MYO9B: variants seen among roughly 807,000 people sequenced by gnomAD.
MYO9B encodes unconventional myosin-IXb.
In MYO9B, 71 loss-of-function variants were observed where a neutral mutation model predicts 229.5. The ratio of observed to expected loss-of-function variants is 0.31; its 90% confidence interval spans 0.26 to 0.38. The LOEUF is 0.38. MYO9B is among the 10% of genes least tolerant of loss of function. MYO9B has a pLI of 1.00. For synonymous variants in MYO9B, 1,185 were observed against 1,235.8 expected (o/e 0.96, Z 0.86); for missense variants, 2,255 against 2,920.5 (o/e 0.77, Z 5.25).
At chr19:17,147,941 C>T (rs374447055) in intron 3 of MYO9B, among the ~76,000 whole-genome samples, 20 of 148,800 alleles carry the variant, frequency 1.3e-4, no homozygotes, top group African/African-American at 4.2e-4. Flanking sequence ...CTTGGTCTCC[C>T]GAAGTGTTGG....
chr19:17,211,661 A>G lies in MYO9B; in HGVS notation c.5945A>G (p.Tyr1982Cys). The stretch of plus-strand genomic sequence containing the variant: ...TTTTCCTCCAGGGAGGACATCACCT[A>G]CCGGCTGCCGGAGCTGGACCCAAGG... ...SIKEEKEDIT[Y>C]RLPELDPRGS... is the part of the protein sequence containing the mutation. The change falls in exon 39 of 40, where the codon TAC becomes TGC. Residue 1982 changes from tyrosine to cysteine, a missense_variant. Coordinates refer to ENST00000682292, the MANE Select transcript of MYO9B (RefSeq NM_004145.4). 3 of 1,605,480 alleles carry G rather than the reference A, an allele frequency of 1.9e-6. No homozygotes were observed. Among genetic ancestry groups the G allele is most frequent in the South Asian group, 1.1e-5 (1 of 90,598 alleles).
intron 2 of MYO9B, among the ~76,000 whole-genome samples, chr19:17,137,121 G>A (rs550782273): frequency 1.9e-4 from 29 of 151,994 alleles, no homozygotes; most frequent in East Asian, 1.9e-4. Context: ...CCAGCTACTC[G>A]GGAGGCTGAG....
At chr19:17,201,630 A>G (rs2073107151) in intron 26 of MYO9B, among the ~76,000 whole-genome samples, 1 of 152,100 alleles carries the variant, frequency 6.6e-6, no homozygotes. Context: ...TGGGGTTATC[A>G]CAGCCTCAGG....
chr19:17,135,567 C>G (rs1351493027), intron 2 of MYO9B, among the ~76,000 whole-genome samples: 1 of 152,160 alleles, frequency 6.6e-6, no homozygotes, highest in African/African-American at 2.4e-5. Flanking sequence ...CCGCACTTCC[C>G]CCTCGGATGT....
chr19:17,136,282 A>G (rs28611356), intron 2 of MYO9B, among the ~76,000 whole-genome samples: 2,166 of 152,198 alleles, frequency 0.014, 63 homozygotes, highest in African/African-American at 0.048. Flanking sequence ...TGAGCTCCAG[A>G]CTATGGCCCT....
intron 2 of MYO9B, among the ~76,000 whole-genome samples, chr19:17,113,248 C>T (rs1235967225): frequency 6.6e-6 from 1 of 152,124 alleles, no homozygotes; most frequent in African/African-American, 2.4e-5. Flanking sequence ...GCAGGGTGGG[C>T]AGCAAGCTTG....
chr19:17,115,799 T>TC (rs1422200795), intron 2 of MYO9B, among the ~76,000 whole-genome samples: 1 of 151,370 alleles, frequency 6.6e-6, no homozygotes, highest in Admixed American at 6.6e-5. Context: ...TCTGCTCAGC[T>TC]CCCCCTTCCC....
intron 15 of MYO9B, among the ~76,000 whole-genome samples, chr19:17,181,889 C>A (rs2072865608): frequency 1.3e-5 from 2 of 152,066 alleles, no homozygotes; most frequent in Admixed American, 1.3e-4. Flanking sequence ...GATTCTCCCA[C>A]CTCAGCCTCC....
intron 2 of MYO9B, among the ~76,000 whole-genome samples, chr19:17,108,779 C>T (rs529030095): frequency 1.8e-4 from 28 of 152,200 alleles, no homozygotes; most frequent in African/African-American, 4.6e-4. Flanking sequence ...TGCAGTGGCA[C>T]GATCTCGGCT....
chr19:17,142,794 A>G (rs1450793262), intron 2 of MYO9B, among the ~76,000 whole-genome samples: 2 of 152,172 alleles, frequency 1.3e-5, no homozygotes, highest in African/African-American at 4.8e-5. Context: ...TTCACCATTT[A>G]CAAATGTGAA....
At chr19:17,114,280 A>G (rs1488905725) in intron 2 of MYO9B, among the ~76,000 whole-genome samples, 1 of 152,056 alleles carries the variant, frequency 6.6e-6, no homozygotes, top group African/African-American at 2.4e-5. Flanking sequence ...AACCCGACCA[A>G]ATTCGGCACG....
chr19:17,200,863 GC>G, intron 26 of MYO9B, 34 bp downstream of exon 26: 7 of 1,602,094 alleles, frequency 4.4e-6, no homozygotes, highest in Non-Finnish European at 5.1e-6. Flanking sequence ...GGGGCATGAG[GC>G]CCGGTCCCCA....
At position 17,194,562 on chromosome 19, in the gene MYO9B, C is replaced by G; in HGVS notation, c.3135C>G (p.Ser1045Arg). 6.2e-7 allele frequency: 1 copy of G among 1,612,476 alleles called. No homozygotes were observed. The highest frequency in any genetic ancestry group is 8.5e-7 in the Non-Finnish European group (1 of 1,179,760). ...CRGHLQRKSF[S>R]QMISEKQKAE... ...TGCTTTTTCCTCACTCCAGCTTCAG[C>G]CAGATGATCTCGGAGAAGCAGAAGG... The change falls in exon 22 of 40, where the codon AGC becomes AGG. Residue 1045 changes from serine (S) to arginine (R), a missense_variant. This residue lies in a region of MYO9B where 679 missense variants were observed against 770.2 expected (regional missense o/e 0.88). Transcript: ENST00000682292.
chr19:17,160,861 G>A (rs1254119762), intron 8 of MYO9B, among the ~76,000 whole-genome samples: 1 of 152,080 alleles, frequency 6.6e-6, no homozygotes, highest in Non-Finnish European at 1.5e-5. Flanking sequence ...CACCACGCCC[G>A]GCTACTTTTG....
chr19:17,103,299 AAG>A (rs1373642675), intron 2 of MYO9B: 4 of 152,224 alleles, frequency 2.6e-5, no homozygotes, highest in Non-Finnish European at 5.9e-5. Context: ...GCCTCTTGGA[AAG>A]AGAGTTTGTT....
chr19:17,211,101 G>A lies in MYO9B; in HGVS notation c.5930+253G>A, dbSNP rs532770696. Reference sequence around the variant, plus strand: ...CGGGTTCAAGCGATTCTCTGCCTCAGCCTCCGAGTAGCTGGGATTACAGGT... The same window carrying A: ...CGGGTTCAAGCGATTCTCTGCCTCAACCTCCGAGTAGCTGGGATTACAGGT... On this transcript the variant is annotated intron_variant, in intron 38 of 39. Transcript: ENST00000682292. 2.7e-5 allele frequency among the ~76,000 whole-genome samples: 4 copies of A among 146,632 alleles called. No homozygotes were observed. In the South Asian group the frequency reaches 8.7e-4, roughly 32 times the overall value.
intron 2 of MYO9B, among the ~76,000 whole-genome samples, chr19:17,133,742 C>T (rs1409943776): frequency 6.7e-6 from 1 of 150,306 alleles, no homozygotes; most frequent in East Asian, 2.0e-4. Flanking sequence ...GCATCAGCCA[C>T]AGCACCAGCC....
At chr19:17,082,767 C>A (rs538701643) in intron 1 of MYO9B, among the ~76,000 whole-genome samples, 1 of 152,064 alleles carries the variant, frequency 6.6e-6, no homozygotes, top group South Asian at 2.1e-4. Flanking sequence ...CCATAGGTGC[C>A]GTGGAAACTG....
At chr19:17,190,529 C>T (rs1425390653) in intron 19 of MYO9B, among the ~76,000 whole-genome samples, 2 of 150,280 alleles carry the variant, frequency 1.3e-5, no homozygotes, top group African/African-American at 4.9e-5. Context: ...TCCCAGCTTC[C>T]AGGGAGACTG....
Sources: gnomAD v4.1 joint callset for allele counts (sites outside exome capture counted in the v4.1 genomes callset) on GRCh38, gnomAD v4.1.1 for gene constraint, gnomAD v4.1.1 regional missense constraint, MANE v1.5 for transcripts, NCBI Gene and HGNC (gene_info 2026-07-23, HGNC 2026-07-21) for gene names.